Variants in ST6GALNAC3 observed in about 807,000 individuals in gnomAD.
ST6GALNAC3 encodes the protein alpha-N-acetylgalactosaminide alpha-2,6-sialyltransferase 3.
ST6GALNAC3 carries 25 observed loss-of-function variants against 32.7 expected under a neutral mutation model. That is an observed-to-expected ratio of 0.76 (90% CI 0.56 to 1.07). The LOEUF is 1.07. ST6GALNAC3 is among the 50% of genes least tolerant of loss of function. The probability of loss-of-function intolerance (pLI) is 0.00; values close to 1 mark genes in which losing one functional copy is unlikely to be tolerated. For missense variants in ST6GALNAC3, 355 were observed against 382.4 expected (o/e 0.93, Z 0.60); for synonymous variants, 129 against 133.1 (o/e 0.97, Z 0.21).
intron 1 of ST6GALNAC3, among the ~76,000 whole-genome samples, chr1:76,192,052 C>A (rs2631795): frequency 0.71 from 107,894 of 151,904 alleles, 39,974 homozygotes; most frequent in East Asian, 0.94. Flanking sequence ...TTTGGTCTCC[C>A]CCTTGTACAA....
At chr1:76,170,557 T>C (rs1652423742) in intron 1 of ST6GALNAC3, among the ~76,000 whole-genome samples, 1 of 152,228 alleles carries the variant, frequency 6.6e-6, no homozygotes, top group African/African-American at 2.4e-5. Flanking sequence ...TTTATTACTT[T>C]ACTGGCCAGG....
chr1:76,416,034 A>AACACACACACACACACACACAC (rs60710007), intron 3 of ST6GALNAC3, among the ~76,000 whole-genome samples: 1 of 144,334 alleles, frequency 6.9e-6, no homozygotes, highest in Non-Finnish European at 1.5e-5. Flanking sequence ...TTTATTCCAC[A>AACACACACACACACACACACAC]ACACACACAC....
chr1:76,452,522 T>C (rs899466165), intron 3 of ST6GALNAC3, among the ~76,000 whole-genome samples: 1 of 152,194 alleles, frequency 6.6e-6, no homozygotes, highest in Non-Finnish European at 1.5e-5. Flanking sequence ...TTTTTCTGCA[T>C]CTATGGAGAT....
At chr1:76,086,359 G>A (rs114952592) in intron 1 of ST6GALNAC3, among the ~76,000 whole-genome samples, 258 of 152,062 alleles carry the variant, frequency 1.7e-3, no homozygotes, top group Non-Finnish European at 2.7e-3. Flanking sequence ...AAAGACGATA[G>A]TTTTTTTTCG....
At chr1:76,271,728 C>G (rs575932725) in intron 1 of ST6GALNAC3, among the ~76,000 whole-genome samples, 1 of 152,190 alleles carries the variant, frequency 6.6e-6, no homozygotes, top group Non-Finnish European at 1.5e-5. Context: ...AAAGACTACT[C>G]TGGCTGCTTT....
chr1:76,623,990 G>A (rs1252160186), intron 3 of ST6GALNAC3, among the ~76,000 whole-genome samples: 2 of 151,902 alleles, frequency 1.3e-5, no homozygotes, highest in Admixed American at 1.3e-4. Context: ...GCTCCAAATA[G>A]TTAGAGAAAA....
intron 3 of ST6GALNAC3, among the ~76,000 whole-genome samples, chr1:76,531,217 C>G (rs1355327811): frequency 1.3e-5 from 2 of 152,176 alleles, no homozygotes; most frequent in East Asian, 3.9e-4. Context: ...TTGGGCCGCT[C>G]AGAAAATTGA....
chr1:76,611,067 GTA>G (rs10646330), intron 3 of ST6GALNAC3, among the ~76,000 whole-genome samples: 132 of 148,472 alleles, frequency 8.9e-4, no homozygotes, highest in Middle Eastern at 3.5e-3. Context: ...TCCAGGTGAG[GTA>G]TATATATATA....
chr1:76,190,725 T>A (rs1653844027), intron 1 of ST6GALNAC3, among the ~76,000 whole-genome samples: 1 of 152,216 alleles, frequency 6.6e-6, no homozygotes, highest in Non-Finnish European at 1.5e-5. Flanking sequence ...AAGGTAAAGC[T>A]TTTTAGCCAT....
At chr1:76,151,436 A>G (rs1651035434) in intron 1 of ST6GALNAC3, among the ~76,000 whole-genome samples, 1 of 152,042 alleles carries the variant, frequency 6.6e-6, no homozygotes, top group South Asian at 2.1e-4. Flanking sequence ...CATACAAATC[A>G]CCCCTCCTAG....
chr1:76,357,263 T>A (rs1277148205), intron 2 of ST6GALNAC3, among the ~76,000 whole-genome samples: 3 of 151,200 alleles, frequency 2.0e-5, no homozygotes, highest in African/African-American at 7.3e-5. Flanking sequence ...GCCTCCCAAG[T>A]ATCTGGATTT....
chr1:76,154,337 A>G (rs1459432029), intron 1 of ST6GALNAC3, among the ~76,000 whole-genome samples: 2 of 152,174 alleles, frequency 1.3e-5, no homozygotes, highest in African/African-American at 4.8e-5. Flanking sequence ...AAGCAATCGT[A>G]CTGGGGAACA....
At chr1:76,112,714 C>G (rs1648131389) in intron 1 of ST6GALNAC3, among the ~76,000 whole-genome samples, 1 of 151,492 alleles carries the variant, frequency 6.6e-6, no homozygotes, top group African/African-American at 2.4e-5. Context: ...GGCGGCCGGG[C>G]AGAGACGCTC....
chr1:76,288,248 T>TTATAC (rs1659890479), intron 1 of ST6GALNAC3, among the ~76,000 whole-genome samples: 1 of 152,236 alleles, frequency 6.6e-6, no homozygotes, highest in Non-Finnish European at 1.5e-5. Context: ...TTGTATCTTC[T>TTATAC]CCAACCTTAT....
At chr1:76,179,548 A>G (rs1653048312) in intron 1 of ST6GALNAC3, among the ~76,000 whole-genome samples, 1 of 152,182 alleles carries the variant, frequency 6.6e-6, no homozygotes, top group African/African-American at 2.4e-5. Flanking sequence ...ATAGTCATGT[A>G]ATGATCCTTT....
At position 76,548,471 on chromosome 1, in the gene ST6GALNAC3, A is replaced by G. The variant is rs573015066; in HGVS notation, c.624-78981A>G. Among the ~76,000 whole-genome samples, 3 of 152,158 alleles carry G rather than the reference A, an allele frequency of 2.0e-5. No individual in the cohort carries two copies. In the South Asian group the frequency reaches 6.2e-4, roughly 32 times the overall value. ...CATACCATTGGCTTCCATCTTTATT[A>G]TTTCAATATATATGCTTCACCCCAG... On this transcript the variant is annotated intron_variant, in intron 3 of 4. Transcript: ENST00000328299.
intron 3 of ST6GALNAC3, among the ~76,000 whole-genome samples, chr1:76,507,810 G>T (rs535641817): frequency 6.6e-6 from 1 of 152,128 alleles, no homozygotes; most frequent in Non-Finnish European, 1.5e-5. Flanking sequence ...GAATTGTTAG[G>T]TCATATGAGA....
intron 3 of ST6GALNAC3, among the ~76,000 whole-genome samples, chr1:76,601,979 C>G (rs984382326): frequency 6.6e-6 from 1 of 152,076 alleles, no homozygotes; most frequent in African/African-American, 2.4e-5. Flanking sequence ...GTAGCAAATG[C>G]AGACAAGTTC....
chr1:76,515,544 A>G (rs1571484379), intron 3 of ST6GALNAC3, among the ~76,000 whole-genome samples: 1 of 152,028 alleles, frequency 6.6e-6, no homozygotes, highest in East Asian at 1.9e-4. Context: ...TGATGTAGGC[A>G]TTTATTGCTA....
Sources: gnomAD v4.1 joint callset for allele counts (sites outside exome capture counted in the v4.1 genomes callset) on GRCh38, gnomAD v4.1.1 for gene constraint, MANE v1.5 for transcripts, NCBI Gene and HGNC (gene_info 2026-07-23, HGNC 2026-07-21) for gene names.